Variants in PIK3R3 observed in about 807,000 individuals in gnomAD.
PIK3R3 encodes the protein phosphoinositide-3-kinase regulatory subunit 3.
PIK3R3 carries 64 observed loss-of-function variants against 62.9 expected under a neutral mutation model. The ratio of observed to expected loss-of-function variants is 1.02; its 90% CI spans 0.83 to 1.25. The LOEUF (loss-of-function observed/expected upper bound fraction) is 1.25, where lower values mean the gene tolerates loss of function less well. Among genes scored for constraint, PIK3R3 ranks in the 50% most tolerant of loss-of-function variants. The probability of loss-of-function intolerance (pLI) is 0.00; values close to 1 mark genes in which losing one functional copy is unlikely to be tolerated. For synonymous variants in PIK3R3, 165 were observed against 189.0 expected (o/e 0.87, Z 1.04); for missense variants, 614 against 561.6 (o/e 1.09, Z -0.94).
At chr1:46,162,616 G>C in the PIK3R3 span, among the ~76,000 whole-genome samples, 1 of 152,024 alleles carries the variant, frequency 6.6e-6, no homozygotes, top group Non-Finnish European at 1.5e-5. Flanking sequence ...AATTAGAGCA[G>C]TGTTTATTTA....
chr1:46,167,385 G>A, the PIK3R3 span, among the ~76,000 whole-genome samples: 5 of 152,226 alleles, frequency 3.3e-5, no homozygotes, highest in African/African-American at 1.2e-4. Context: ...AGGAGGGGGT[G>A]TGCACCCTGG....
chr1:46,131,823 T>TA (rs766595345), intron 1 of PIK3R3, 24 bp downstream of exon 1: 1 of 1,585,900 alleles, frequency 6.3e-7, no homozygotes, highest in African/African-American at 1.3e-5. Flanking sequence ...ATCACGAGAT[T>TA]CTTTTTTTTT....
chr1:46,163,681 T>C, the PIK3R3 span, among the ~76,000 whole-genome samples: 1 of 152,162 alleles, frequency 6.6e-6, no homozygotes, highest in Non-Finnish European at 1.5e-5. Flanking sequence ...CAAGGAACCA[T>C]GGCCCTGGTG....
Position 46,042,638 on chromosome 1 carries a change from TATA to T in PIK3R3, c.*1032_*1034del, listed in dbSNP as rs1033467497. On this transcript the variant is annotated 3_prime_UTR_variant, in exon 10 of 10. Coordinates refer to ENST00000262741, the MANE Select transcript of PIK3R3 (RefSeq NM_003629.4). This position sits in a 1 kb window ranked among gnomAD's most constrained non-coding sequence, Gnocchi z 4.3. The stretch of plus-strand genomic sequence containing the variant: ...GGGCCTTTAAACTTGGGGAAGCACA[TATA>T]ATAATGTTGTTCTATATTGTTATTT... The T allele has an allele frequency of 1.8e-4, 39 of 221,992 alleles. 2 individuals are homozygous for T. In the Admixed American group the frequency reaches 2.1e-3, roughly 12 times the overall value. The allele number at this position is 221,992 out of a possible 1,614,324, so 13.8% of individuals were successfully genotyped here. A position where few individuals can be genotyped will look rare whatever the true frequency, so the allele number is the denominator to read the frequency against.
intron 1 of PIK3R3, among the ~76,000 whole-genome samples, chr1:46,110,776 G>C (rs1438619725): frequency 1.4e-5 from 2 of 145,894 alleles, no homozygotes; most frequent in Non-Finnish European, 3.0e-5. Flanking sequence ...GAAGATCCAA[G>C]AAGTAATTAT....
the PIK3R3 span, among the ~76,000 whole-genome samples, chr1:46,172,328 A>G: frequency 6.6e-6 from 1 of 152,140 alleles, no homozygotes; most frequent in East Asian, 1.9e-4. Context: ...GGAAGATTTC[A>G]AAGAAAAGTG....
At chr1:46,112,173 A>G (rs1268271569) in intron 1 of PIK3R3, among the ~76,000 whole-genome samples, 1 of 152,174 alleles carries the variant, frequency 6.6e-6, no homozygotes. Context: ...AATGTGAAAC[A>G]TTGTTTTTGG....
chr1:46,170,583 G>T, the PIK3R3 span, among the ~76,000 whole-genome samples: 199 of 152,292 alleles, frequency 1.3e-3, no homozygotes, highest in African/African-American at 4.7e-3. Context: ...ACCAAGCCTG[G>T]CTAATTTTTG....
At chr1:46,112,924 C>T (rs556620036) in intron 1 of PIK3R3, among the ~76,000 whole-genome samples, 1 of 152,158 alleles carries the variant, frequency 6.6e-6, no homozygotes, top group Non-Finnish European at 1.5e-5. Context: ...CCACCATCTA[C>T]CAAGCTAGAA....
chr1:46,141,106 C>G, the PIK3R3 span, among the ~76,000 whole-genome samples: 12 of 151,576 alleles, frequency 7.9e-5, no homozygotes, highest in Admixed American at 7.2e-4. Context: ...GGGGTCGTCC[C>G]ACCTTGGCCT....
chr1:46,078,687 C>A (rs1015159328), intron 2 of PIK3R3, among the ~76,000 whole-genome samples: 3 of 152,002 alleles, frequency 2.0e-5, no homozygotes, highest in Non-Finnish European at 4.4e-5. Flanking sequence ...TATGTGTGCA[C>A]CAATATTAAT....
At chr1:46,073,786 A>ATTT (rs35378730) in intron 3 of PIK3R3, among the ~76,000 whole-genome samples, 1 of 123,660 alleles carries the variant, frequency 8.1e-6, no homozygotes, top group Non-Finnish European at 1.7e-5. Context: ...CATTCAGTTA[A>ATTT]TTTTTTTTTT....
chr1:46,132,065 C>G lies in PIK3R3; in HGVS notation c.-113G>C. ...AAAAGTTCCACACGGAAATGTACTT[C>G]GGGTTTTCCAACGGCCAGTACCAGT... On this transcript the variant is annotated 5_prime_UTR_variant, in exon 1 of 10. Transcript: ENST00000262741. The G allele has an allele frequency of 1.4e-6, 2 of 1,475,208 alleles. No individual in the cohort carries two copies. Among genetic ancestry groups the G allele is most frequent in the East Asian group, 5.1e-5 (2 of 39,050 alleles). 91.4% of individuals were successfully genotyped at this position (1,475,208 alleles called of 1,614,324 possible).
intron 1 of PIK3R3, among the ~76,000 whole-genome samples, chr1:46,129,615 G>C (rs1294112577): frequency 1.3e-5 from 2 of 152,084 alleles, no homozygotes; most frequent in Non-Finnish European, 2.9e-5. Flanking sequence ...ATAAGAGCTT[G>C]ATGTGGGGTG....
At chr1:46,097,889 CAA>C (rs1232804003) in intron 1 of PIK3R3, among the ~76,000 whole-genome samples, 11 of 43,150 alleles carry the variant, frequency 2.5e-4, no homozygotes, top group Admixed American at 4.5e-4. Context: ...AACTCCATCT[CAA>C]AAAAAAAAAA....
At chr1:46,062,863 G>A (rs1376778549) in intron 5 of PIK3R3, among the ~76,000 whole-genome samples, 1 of 152,124 alleles carries the variant, frequency 6.6e-6, no homozygotes, top group Non-Finnish European at 1.5e-5. Flanking sequence ...TGTTGCCTAA[G>A]CTGGACTTGA....
At chr1:46,130,910 A>C (rs1655522466) in intron 1 of PIK3R3, among the ~76,000 whole-genome samples, 1 of 152,230 alleles carries the variant, frequency 6.6e-6, no homozygotes, top group South Asian at 2.1e-4. Context: ...GGTAGACTTT[A>C]AAGGAAAAAA....
intron 1 of PIK3R3, among the ~76,000 whole-genome samples, chr1:46,130,879 C>T (rs973086733): frequency 2.0e-5 from 3 of 152,120 alleles, no homozygotes; most frequent in African/African-American, 7.2e-5. Flanking sequence ...GAAAATCTGA[C>T]AGCTAATAAT....
chr1:46,133,632 G>T (rs373823807), upstream of PIK3R3, among the ~76,000 whole-genome samples: 1 of 152,052 alleles, frequency 6.6e-6, no homozygotes, highest in East Asian at 1.9e-4. Context: ...AACCTTCCTG[G>T]CTGCTACCTG....
Sources: gnomAD v4.1 joint callset for allele counts (sites outside exome capture counted in the v4.1 genomes callset) on GRCh38, gnomAD v4.1.1 for gene constraint, Gnocchi (gnomAD v3.1) non-coding constraint, MANE v1.5 for transcripts, NCBI Gene and HGNC (gene_info 2026-07-23, HGNC 2026-07-21) for gene names.